Variants in L3MBTL3 observed in about 807,000 individuals in gnomAD.
L3MBTL3 encodes L3MBTL histone methyl-lysine binding protein 3.
A neutral mutation model predicts 102.3 loss-of-function variants in L3MBTL3; 27 were observed. The observed-to-expected ratio is 0.26, with a 90% CI of 0.19 to 0.36. The LOEUF is 0.36. L3MBTL3 is among the 10% of genes least tolerant of loss of function. The pLI is 1.00. For synonymous variants in L3MBTL3, 340 were observed against 320.9 expected (o/e 1.06, Z -0.64); for missense variants, 798 against 955.3 (o/e 0.84, Z 2.17).
At chr6:130,082,093 A>G (rs1241909886) in intron 14 of L3MBTL3, among the ~76,000 whole-genome samples, 1 of 152,146 alleles carries the variant, frequency 6.6e-6, no homozygotes, top group East Asian at 1.9e-4. Flanking sequence ...GTGGCTCATC[A>G]TGTCAGTCTG....
At chr6:130,129,113 G>T (rs1297082308) in intron 20 of L3MBTL3, among the ~76,000 whole-genome samples, 1 of 152,170 alleles carries the variant, frequency 6.6e-6, no homozygotes, top group Non-Finnish European at 1.5e-5. Context: ...TTTTCAGCTG[G>T]TCCTGTCTGA....
chr6:130,081,266 A>G (rs1783321634), intron 14 of L3MBTL3, among the ~76,000 whole-genome samples: 1 of 152,208 alleles, frequency 6.6e-6, no homozygotes, highest in Non-Finnish European at 1.5e-5. Context: ...CCAGGAAAGC[A>G]TTTTTGCCTA....
chr6:130,070,093 T>C (rs1204517948), intron 12 of L3MBTL3, among the ~76,000 whole-genome samples: 1 of 151,934 alleles, frequency 6.6e-6, no homozygotes, highest in African/African-American at 2.4e-5. Flanking sequence ...CTAACAGAGG[T>C]TTTTGTTTGT....
intron 17 of L3MBTL3, among the ~76,000 whole-genome samples, chr6:130,093,735 C>G (rs991852892): frequency 6.6e-6 from 1 of 152,168 alleles, no homozygotes; most frequent in Admixed American, 6.5e-5. Flanking sequence ...GTGGCAAAAT[C>G]AAACAAAACC....
intron 2 of L3MBTL3, among the ~76,000 whole-genome samples, chr6:130,027,328 A>T (rs888935262): frequency 6.6e-6 from 1 of 152,192 alleles, no homozygotes; most frequent in Non-Finnish European, 1.5e-5. Context: ...TTTATATTAC[A>T]TAAATTTTGT....
chr6:130,138,467 A>G (rs1198420092), intron 22 of L3MBTL3: 1 of 152,212 alleles, frequency 6.6e-6, no homozygotes, highest in Non-Finnish European at 1.5e-5. Context: ...CCTTCCCTCT[A>G]TATGTGTCTC....
chr6:130,026,110 C>G (rs375084425), intron 2 of L3MBTL3, among the ~76,000 whole-genome samples: 12 of 150,660 alleles, frequency 8.0e-5, no homozygotes, highest in African/African-American at 2.4e-4. Flanking sequence ...TTTTAAAAAC[C>G]CTATGAAGTG....
Position 130,135,256 on chromosome 6 carries a change from G to C in L3MBTL3, c.2199+1351G>C, listed in dbSNP as rs1787519687. ...TTTTTGTATTTTTAGTAGAGACTTG[G>C]TTTCACCGTGTTGGCCAGGCTGGTC... On this transcript the variant is annotated intron_variant, in intron 22 of 22. Transcript: ENST00000361794. Among the ~76,000 whole-genome samples the C allele has an allele frequency of 2.0e-5, 3 of 151,712 alleles. No homozygotes were observed. The South Asian group carries it at 6.2e-4, about 32-fold the overall frequency.
chr6:130,094,208 T>C (rs1289569417), intron 17 of L3MBTL3, 57 bp from the exon 18 acceptor site: 19 of 1,372,482 alleles, frequency 1.4e-5, no homozygotes, highest in Non-Finnish European at 2.0e-5. Context: ...CATTTGACTC[T>C]TCACAGATTT....
At chr6:130,019,861 G>A (rs935624251) in intron 1 of L3MBTL3, among the ~76,000 whole-genome samples, 50 of 139,870 alleles carry the variant, frequency 3.6e-4, no homozygotes, top group South Asian at 1.1e-3. Context: ...CGTCCGCGCG[G>A]GAGAGGGCGC....
In L3MBTL3 at chr6:130,120,882, C is replaced by T; in HGVS notation, c.1890C>T (p.Asp630=). 1.2e-6 allele frequency: 2 copies of T among 1,609,358 alleles called. No homozygotes were observed. Among genetic ancestry groups the T allele is most frequent in the Middle Eastern group, 1.7e-4 (1 of 6,036 alleles). The change falls in exon 20 of 23, where the codon GAC becomes GAT. Residue 630 remains aspartate (D), a synonymous_variant. Coordinates refer to ENST00000361794, the MANE Select transcript of L3MBTL3 (RefSeq NM_032438.4). ...NESSSSPEIR[D]QHADDVKEDF... is the part of the protein sequence containing the mutation. Reference sequence around the variant, plus strand: ...TTGAAATGCCTGTTTTTCTTAGAGACCAGCATGCTGATGATGTCAAAGAAG... The same window carrying T: ...TTGAAATGCCTGTTTTTCTTAGAGATCAGCATGCTGATGATGTCAAAGAAG...
intron 6 of L3MBTL3, among the ~76,000 whole-genome samples, chr6:130,052,615 C>T (rs539307562): frequency 6.6e-6 from 1 of 152,130 alleles, no homozygotes; most frequent in Non-Finnish European, 1.5e-5. Flanking sequence ...TTGCTGGCCC[C>T]CTTTTGAAAT....
At chr6:130,135,726 A>G (rs925360172) in intron 22 of L3MBTL3, among the ~76,000 whole-genome samples, 3 of 152,178 alleles carry the variant, frequency 2.0e-5, no homozygotes, top group African/African-American at 7.2e-5. Context: ...CTCTGTCGAT[A>G]TGAATTATTC....
intron 9 of L3MBTL3, among the ~76,000 whole-genome samples, chr6:130,058,996 A>G (rs1781712205): frequency 1.3e-5 from 2 of 152,224 alleles, no homozygotes; most frequent in African/African-American, 4.8e-5. Flanking sequence ...TAATTTAAAT[A>G]TAGTAGTAAT....
At chr6:130,034,579 C>T (rs959306496) in intron 2 of L3MBTL3, among the ~76,000 whole-genome samples, 6 of 152,206 alleles carry the variant, frequency 3.9e-5, no homozygotes, top group South Asian at 4.1e-4. Flanking sequence ...GCTAGCCTAT[C>T]GCTTTCATAA....
intron 2 of L3MBTL3, among the ~76,000 whole-genome samples, chr6:130,028,234 C>CT (rs1375062923): frequency 6.6e-6 from 1 of 152,148 alleles, no homozygotes; most frequent in Non-Finnish European, 1.5e-5. Flanking sequence ...GGTGACTACC[C>CT]TTTCTTTGCA....
intron 16 of L3MBTL3, among the ~76,000 whole-genome samples, chr6:130,089,006 A>C (rs1394355321): frequency 6.6e-6 from 1 of 152,108 alleles, no homozygotes; most frequent in East Asian, 1.9e-4. Flanking sequence ...CAAGTGCAAC[A>C]GTGGATCTGA....
At chr6:130,119,709 G>A (rs914081857) in intron 19 of L3MBTL3, among the ~76,000 whole-genome samples, 2 of 152,168 alleles carry the variant, frequency 1.3e-5, no homozygotes, top group Non-Finnish European at 2.9e-5. Context: ...AAGCCGGGGA[G>A]TTCAGATTCA....
At chr6:130,038,761 C>G (rs576518612) in intron 2 of L3MBTL3, among the ~76,000 whole-genome samples, 1 of 151,958 alleles carries the variant, frequency 6.6e-6, no homozygotes, top group African/African-American at 2.4e-5. Flanking sequence ...TGTGCAGAAT[C>G]GTTTTAGTTT....
Sources: gnomAD v4.1 joint callset for allele counts (sites outside exome capture counted in the v4.1 genomes callset) on GRCh38, gnomAD v4.1.1 for gene constraint, MANE v1.5 for transcripts, NCBI Gene and HGNC (gene_info 2026-07-23, HGNC 2026-07-21) for gene names.